Variants in SCNN1A observed in about 807,000 individuals in gnomAD.
SCNN1A encodes sodium channel epithelial 1 subunit alpha.
In SCNN1A, 65 loss-of-function variants were observed where a neutral mutation model predicts 68.6. The observed-to-expected ratio is 0.95, with a 90% CI of 0.78 to 1.16. The LOEUF (loss-of-function observed/expected upper bound fraction) is 1.16, where lower values mean the gene tolerates loss of function less well. Among genes scored for constraint, SCNN1A ranks in the 50% most tolerant of loss-of-function variants. SCNN1A has a pLI of 0.00. For missense variants in SCNN1A, 880 were observed against 865.9 expected (o/e 1.02, Z -0.20); for synonymous variants, 357 against 353.3 (o/e 1.01, Z -0.12).
upstream of SCNN1A, among the ~76,000 whole-genome samples, chr12:6,376,494 G>A (rs1948912340): frequency 6.6e-6 from 1 of 152,248 alleles, no homozygotes; most frequent in Non-Finnish European, 1.5e-5. Context: ...GGCACTGAAG[G>A]TGCAGGGAGG....
Position 6,363,610 on chromosome 12 carries a change from C to T in SCNN1A, c.517G>A (p.Gly173Ser). ...KYSSFTTLVA[G>S]SRSRRDLRGT... is the part of the protein sequence containing the mutation. ...CGCAGGTCGCGACGGCTGCGGGAGCCGGCCACGAGAGTGGTGAAGGAGCTG... is the reference window on the plus strand; with the variant it reads ...CGCAGGTCGCGACGGCTGCGGGAGCTGGCCACGAGAGTGGTGAAGGAGCTG... Residue 173 changes from glycine to serine, a missense_variant, in exon 3 of 13, where the codon GGC becomes AGC. Gly to Ser is a moderately conservative substitution (Grantham distance 56, BLOSUM62 0). Around this residue, in one of 3 missense-constraint regions of SCNN1A, gnomAD observed 758 missense variants for 721.8 expected, o/e 1.05. Coordinates refer to ENST00000228916, the MANE Select transcript of SCNN1A (RefSeq NM_001038.6). 3 of 1,612,768 alleles carry T rather than the reference C, an allele frequency of 1.9e-6. No individual in the cohort carries two copies. In the South Asian group the frequency reaches 3.3e-5, roughly 18 times the overall value.
rs1353847492 is a variant in SCNN1A, at chr12:6,348,442, T to C, written c.1630-189A>G. ...GCCAGTGTCACCCAGAGAAAACTGA[T>C]AACTGGCCCACAGTTAGGGGCAGCT... On this transcript the variant is annotated intron_variant, in intron 12 of 12. Coordinates refer to ENST00000228916, the MANE Select transcript of SCNN1A (RefSeq NM_001038.6). 2.0e-5 allele frequency among the ~76,000 whole-genome samples: 3 copies of C among 150,212 alleles called. No homozygotes were observed. In the East Asian group the frequency reaches 5.8e-4, roughly 29 times the overall value.
At position 6,362,016 on chromosome 12, in the gene SCNN1A, C is replaced by T. The variant is rs55773452; in HGVS notation, c.875+35G>A. On this transcript the variant is annotated intron_variant, in intron 4 of 12. Transcript: ENST00000228916. The stretch of plus-strand genomic sequence containing the variant: ...GAGGCTGACCCAGGGAAGCGGACCC[C>T]GCGGAGAGCAAGGAGCCAGGCAGGA... The T allele has an allele frequency of 6.2e-4, 1,001 of 1,610,590 alleles. 1 individual carries two copies. Among genetic ancestry groups the T allele is most frequent in the Admixed American group, 1.7e-3 (104 of 60,026 alleles).
At chr12:6,375,202 C>T in intron 1 of SCNN1A, 1 of 1,446,024 alleles carries the variant, frequency 6.9e-7, no homozygotes, top group Non-Finnish European at 9.0e-7. Context: ...GCCTCTCACT[C>T]CCTCTCTATC....
intron 2 of SCNN1A, among the ~76,000 whole-genome samples, chr12:6,369,652 G>A (rs545367447): frequency 1.2e-4 from 18 of 152,164 alleles, no homozygotes; most frequent in South Asian, 6.2e-4. Flanking sequence ...CTAACACGGC[G>A]AAACCCCGTC....
At position 6,375,518 on chromosome 12, in the gene SCNN1A, C is replaced by T. The variant is rs893905102; in HGVS notation, c.-68G>A. 3.3e-5 allele frequency: 50 copies of T among 1,535,260 alleles called. No individual in the cohort carries two copies. Among genetic ancestry groups the T allele is most frequent in the Middle Eastern group, 1.7e-4 (1 of 6,010 alleles). On this transcript the variant is annotated 5_prime_UTR_variant, in exon 1 of 13. Transcript: ENST00000228916. ...CCTCCCCCTCACCTGACAGGTGCAG[C>T]GGCCTGGCTGGGGAGCCCGCCCGCT...
At chr12:6,362,444 C>A (rs144100608) in intron 3 of SCNN1A, among the ~76,000 whole-genome samples, 5 of 152,266 alleles carry the variant, frequency 3.3e-5, no homozygotes, top group African/African-American at 1.2e-4. Context: ...AAGGGAGTTG[C>A]AGGCCAGGAA....
At chr12:6,360,540 C>G (rs962443228) in intron 4 of SCNN1A, among the ~76,000 whole-genome samples, 3 of 152,210 alleles carry the variant, frequency 2.0e-5, no homozygotes, top group African/African-American at 7.2e-5. Context: ...ATCTTACTTC[C>G]CAGCTGGTAG....
intron 2 of SCNN1A, among the ~76,000 whole-genome samples, chr12:6,369,996 C>T (rs1407930766): frequency 1.3e-5 from 2 of 152,166 alleles, no homozygotes; most frequent in African/African-American, 2.4e-5. Context: ...AGGAGACCAG[C>T]GGCTGGAGGG....
chr12:6,366,154 G>A (rs961877673), intron 2 of SCNN1A, among the ~76,000 whole-genome samples: 1 of 151,900 alleles, frequency 6.6e-6, no homozygotes, highest in African/African-American at 2.4e-5. Flanking sequence ...ACGCCCAGCC[G>A]AACAGACCTA....
chr12:6,349,660 G>A (rs775737742), intron 8 of SCNN1A, among the ~76,000 whole-genome samples: 1 of 152,044 alleles, frequency 6.6e-6, no homozygotes, highest in Non-Finnish European at 1.5e-5. Flanking sequence ...AGTGAGCTAT[G>A]AGTGTGCCTT....
chr12:6,359,452 C>T (rs1451922968), intron 4 of SCNN1A, among the ~76,000 whole-genome samples: 1 of 152,042 alleles, frequency 6.6e-6, no homozygotes, highest in African/African-American at 2.4e-5. Context: ...AAATGTGATC[C>T]CCCATGTTGG....
chr12:6,369,395 C>T (rs1261463952), intron 2 of SCNN1A, among the ~76,000 whole-genome samples: 2 of 140,524 alleles, frequency 1.4e-5, no homozygotes, highest in African/African-American at 5.6e-5. Context: ...CACTGATGAG[C>T]CCCCCCACTG....
intron 2 of SCNN1A, among the ~76,000 whole-genome samples, chr12:6,370,030 G>GGGTTCT (rs1257934992): frequency 6.6e-6 from 1 of 152,160 alleles, no homozygotes; most frequent in Non-Finnish European, 1.5e-5. Context: ...TGCCCACAGT[G>GGGTTCT]GGTTCTTCCA....
chr12:6,351,471 A>T lies in SCNN1A; in HGVS notation c.1361-2066T>A, dbSNP rs956565962. Among the ~76,000 whole-genome samples, 7 of 152,002 alleles carry T rather than the reference A, an allele frequency of 4.6e-5. No homozygotes were observed. The highest frequency in any genetic ancestry group is 1.7e-4 in the African/African-American group (7 of 41,358). ...ACCCCATCTCTACTAAAAAATACAA[A>T]AATTAGCTGGGCTTGGCAGCATGCG... On this transcript the variant is annotated intron_variant, in intron 8 of 12. Coordinates refer to ENST00000228916, the MANE Select transcript of SCNN1A (RefSeq NM_001038.6). This position sits in a 1 kb window ranked among gnomAD's most constrained non-coding sequence, Gnocchi z 4.2.
chr12:6,349,070 T>C, intron 10 of SCNN1A, 65 bp from the exon 11 acceptor site: 2 of 1,606,048 alleles, frequency 1.2e-6, no homozygotes, highest in Non-Finnish European at 1.7e-6. Flanking sequence ...GGGATAGGGT[T>C]GTGTCAAACA....
intron 2 of SCNN1A, among the ~76,000 whole-genome samples, chr12:6,371,396 G>A (rs889012754): frequency 2.6e-5 from 4 of 151,950 alleles, no homozygotes; most frequent in African/African-American, 9.7e-5. Flanking sequence ...AGCTGCCCCC[G>A]ACCCTGGGAG....
At position 6,362,259 on chromosome 12, in the gene SCNN1A, A is replaced by C. The variant is rs758123546; in HGVS notation, c.685-18T>G. On this transcript the variant is annotated intron_variant, in intron 3 of 12. Transcript: ENST00000228916. The stretch of plus-strand genomic sequence containing the variant: ...TGGTTGCACTGGACACAGAGACTAG[A>C]GTCAGAGGGGACACGCAGCCGGGGA... 4.6e-5 allele frequency: 74 copies of C among 1,611,190 alleles called. No individual in the cohort carries two copies. The South Asian group carries it at 7.8e-4, about 17-fold the overall frequency.
At chr12:6,363,401 C>CGGCGAGGGGCG in intron 3 of SCNN1A, 42 bp downstream of exon 3, 1 of 1,473,064 alleles carries the variant, frequency 6.8e-7, no homozygotes, top group Non-Finnish European at 9.0e-7. Flanking sequence ...GGCCAGGGGC[C>CGGCGAGGGGCG]GGCGAGGGGC....
Sources: gnomAD v4.1 joint callset for allele counts (sites outside exome capture counted in the v4.1 genomes callset) on GRCh38, gnomAD v4.1.1 for gene constraint, gnomAD v4.1.1 regional missense constraint, Gnocchi (gnomAD v3.1) non-coding constraint, MANE v1.5 for transcripts, NCBI Gene and HGNC (gene_info 2026-07-23, HGNC 2026-07-21) for gene names.